KIF2A: variants seen among roughly 807,000 people sequenced by gnomAD.
KIF2A encodes kinesin family member 2A.
KIF2A carries 22 observed loss-of-function variants against 100.2 expected under a neutral mutation model. That is an observed-to-expected ratio of 0.22 (90% CI 0.16 to 0.31). The LOEUF is 0.31. Ranked by LOEUF, KIF2A falls within the 10% of genes least tolerant of loss-of-function variation. KIF2A has a pLI of 1.00. For synonymous variants in KIF2A, 268 were observed against 285.9 expected, an observed-to-expected ratio of 0.94 and a Z score of 0.63; for missense variants, 495 against 898.7, an observed-to-expected ratio of 0.55 and a Z score of 5.74.
intron 1 of KIF2A, among the ~76,000 whole-genome samples, chr5:62,338,317 C>T (rs1189200635): frequency 6.6e-6 from 1 of 152,192 alleles, no homozygotes; most frequent in Non-Finnish European, 1.5e-5. Context: ...GAGTCGGAGT[C>T]TTGCTGTGTC....
At chr5:62,348,687 C>A (rs1351318873) in intron 3 of KIF2A, among the ~76,000 whole-genome samples, 2 of 152,188 alleles carry the variant, frequency 1.3e-5, no homozygotes, top group Non-Finnish European at 2.9e-5. Context: ...GCACATTATT[C>A]TTCTGGCTTT....
chr5:62,331,450 C>T (rs951771483), intron 1 of KIF2A, among the ~76,000 whole-genome samples: 39 of 151,170 alleles, frequency 2.6e-4, no homozygotes, highest in African/African-American at 7.5e-4. Context: ...ATTGCAGGCA[C>T]GGTGGCATAT....
chr5:62,358,655 T>C (rs986085768), intron 9 of KIF2A, among the ~76,000 whole-genome samples: 6 of 152,190 alleles, frequency 3.9e-5, no homozygotes, highest in South Asian at 2.1e-4. Flanking sequence ...CCTTTTAATC[T>C]CTGTACTAAT....
At chr5:62,345,156 G>A (rs1436913637) in intron 1 of KIF2A, among the ~76,000 whole-genome samples, 1 of 152,112 alleles carries the variant, frequency 6.6e-6, no homozygotes, top group African/African-American at 2.4e-5. Flanking sequence ...GGGAGGCCGA[G>A]GAGGGCAGAC....
At chr5:62,328,100 C>T (rs769336352) in intron 1 of KIF2A, among the ~76,000 whole-genome samples, 1 of 152,166 alleles carries the variant, frequency 6.6e-6, no homozygotes, top group Admixed American at 6.5e-5. Flanking sequence ...CTATTGGCAA[C>T]ATGTTGCTTT....
intron 1 of KIF2A, among the ~76,000 whole-genome samples, chr5:62,338,170 AT>A (rs1435099510): frequency 6.2e-4 from 94 of 152,218 alleles, no homozygotes; most frequent in African/African-American, 2.2e-3. Context: ...CACAGGTAGT[AT>A]TGCTGATAAG....
Position 62,353,291 on chromosome 5 carries a change from T to C in KIF2A, c.474T>C (p.Asn158=), listed in dbSNP as rs1747946940. Residue 158 remains asparagine (N), a synonymous_variant, in exon 6 of 21, where the codon AAT becomes AAC. Transcript: ENST00000407818. ...EFGPPSRRKS[N]CVKEVEKLQE... ...TCTTTTCAGCACGTAGAAAATCTAA[T>C]TGTGTGAAAGAAGTAGAAAAACTGC... 2 of 1,566,778 alleles carry C rather than the reference T, an allele frequency of 1.3e-6. No individual in the cohort carries two copies. The highest frequency in any genetic ancestry group is 2.0e-5 in the Admixed American group (1 of 51,080).
At chr5:62,351,233 TA>T (rs1314783757) in intron 4 of KIF2A, among the ~76,000 whole-genome samples, 1 of 151,424 alleles carries the variant, frequency 6.6e-6, no homozygotes, top group Non-Finnish European at 1.5e-5. Context: ...CCTGTCTCAA[TA>T]AATAAATAAA....
At chr5:62,364,418 TTA>T (rs1285896066) in intron 14 of KIF2A, among the ~76,000 whole-genome samples, 3 of 152,186 alleles carry the variant, frequency 2.0e-5, no homozygotes, top group Non-Finnish European at 4.4e-5. Flanking sequence ...AGTGCTGGGA[TTA>T]CAGGCGTGAG....
chr5:62,332,760 A>G (rs1476731684), intron 1 of KIF2A, among the ~76,000 whole-genome samples: 1 of 152,230 alleles, frequency 6.6e-6, no homozygotes, highest in African/African-American at 2.4e-5. Context: ...TTACCTTTGT[A>G]TAAGTAAAAT....
In KIF2A at chr5:62,387,036, A is replaced by T. The variant is rs762616576; in HGVS notation, c.*1467A>T. On this transcript the variant is annotated 3_prime_UTR_variant, in exon 21 of 21. Coordinates refer to ENST00000407818, the MANE Select transcript of KIF2A (RefSeq NM_001098511.3). ...AAAGGGGAGCTATGAATAGAGGGTCACATGAGCCAGATTCTTTACTGTTCA... is the reference window on the plus strand; with the variant it reads ...AAAGGGGAGCTATGAATAGAGGGTCTCATGAGCCAGATTCTTTACTGTTCA... Among the ~76,000 whole-genome samples, 2 of 152,226 alleles carry T rather than the reference A, an allele frequency of 1.3e-5. No homozygotes were observed. The highest frequency in any genetic ancestry group is 2.9e-5 in the Non-Finnish European group (2 of 68,040).
At position 62,353,330 on chromosome 5, in the gene KIF2A, GA is replaced by G; in HGVS notation, c.517del (p.Arg173GlyfsTer28). ...TAGAAAAACTGCAAGAAAAACGAGA[GA>G]AAAGGAGATTGCAACAGCAAGAACT... ...EVEKLQEKRE[K>X]RRLQQQELRE... On this transcript the variant is annotated frameshift_variant, in exon 6 of 21. Transcript: ENST00000407818. LOFTEE classifies it high-confidence loss of function. The G allele has an allele frequency of 1.3e-6, 2 of 1,580,826 alleles. No homozygotes were observed. The highest frequency in any genetic ancestry group is 1.9e-5 in the Admixed American group (1 of 53,224).
rs1367539132 is a variant in KIF2A, at chr5:62,387,182, T to TAA, written c.*1614_*1615dup. The TAA allele has an allele frequency of 6.6e-6, 1 of 152,206 alleles. No individual in the cohort carries two copies. Among genetic ancestry groups the TAA allele is most frequent in the Non-Finnish European group, 1.5e-5 (1 of 68,026 alleles). 9.4% of individuals were successfully genotyped at this position (152,206 alleles called of 1,614,324 possible). A position where few individuals can be genotyped will look rare whatever the true frequency, so the allele number is the denominator to read the frequency against. On this transcript the variant is annotated 3_prime_UTR_variant, in exon 21 of 21. Coordinates refer to ENST00000407818, the MANE Select transcript of KIF2A (RefSeq NM_001098511.3). ...TTATTAATAAATGAAGTCTATGGAA[T>TAA]AAGTTTTAGAGATAATTTACTTCAG... is the stretch of plus-strand genomic sequence containing the variant.
At chr5:62,340,004 T>C (rs1747209743) in intron 1 of KIF2A, among the ~76,000 whole-genome samples, 1 of 150,688 alleles carries the variant, frequency 6.6e-6, no homozygotes, top group Non-Finnish European at 1.5e-5. Flanking sequence ...AATGGCGCGA[T>C]CTTGGCTCAC....
At chr5:62,364,023 G>GT in intron 14 of KIF2A, 124 bp downstream of exon 14, 1 of 714,256 alleles carries the variant, frequency 1.4e-6, no homozygotes. Context: ...TCAGATGCTT[G>GT]TAATGTATAG....
intron 1 of KIF2A, among the ~76,000 whole-genome samples, chr5:62,331,556 C>T (rs1382260229): frequency 6.6e-6 from 1 of 152,104 alleles, no homozygotes; most frequent in Non-Finnish European, 1.5e-5. Flanking sequence ...GTCCACTGTA[C>T]TCCAGCCTGG....
chr5:62,315,249 CAAAA>C (rs765995590), intron 1 of KIF2A, among the ~76,000 whole-genome samples: 19 of 66,538 alleles, frequency 2.9e-4, no homozygotes, highest in African/African-American at 9.3e-4. Flanking sequence ...AAAAACAGAC[CAAAA>C]AAAAAAAAAA....
chr5:62,340,101 A>G (rs980176609), intron 1 of KIF2A, among the ~76,000 whole-genome samples: 11 of 151,918 alleles, frequency 7.2e-5, no homozygotes, highest in African/African-American at 2.4e-4. Context: ...ATGCCCAGCT[A>G]ATTTTTTGTG....
intron 1 of KIF2A, among the ~76,000 whole-genome samples, chr5:62,339,437 G>A (rs1021518846): frequency 6.6e-6 from 1 of 151,050 alleles, no homozygotes; most frequent in Non-Finnish European, 1.5e-5. Flanking sequence ...AGGCAGGGAT[G>A]AATATACAAA....
Sources: allele counts gnomAD v4.1 joint callset (sites outside exome capture counted in the v4.1 genomes callset), GRCh38; gene constraint gnomAD v4.1.1; transcripts MANE v1.5; gene names NCBI Gene and HGNC (gene_info 2026-07-23, HGNC 2026-07-21).